The following DCC variants were observed in gnomAD, a reference collection of about 807,000 sequenced individuals.
DCC encodes DCC netrin 1 receptor.
In DCC, 58 loss-of-function variants were observed where a neutral mutation model predicts 172.5. That is an observed-to-expected ratio of 0.34 (90% CI 0.27 to 0.42). The LOEUF (loss-of-function observed/expected upper bound fraction) is 0.42, where lower values mean the gene tolerates loss of function less well. Ranked by LOEUF, DCC falls within the 10% of genes least tolerant of loss-of-function variation. The pLI, the probability that DCC is intolerant of heterozygous loss-of-function variation, is 1.00. For synonymous variants in DCC, 709 were observed against 644.5 expected, an observed-to-expected ratio of 1.10 and a Z score of -1.52; for missense variants, 1,740 against 1,791.0, an observed-to-expected ratio of 0.97 and a Z score of 0.51.
At chr18:52,669,397 C>A (rs2035512270) in intron 1 of DCC, among the ~76,000 whole-genome samples, 1 of 152,116 alleles carries the variant, frequency 6.6e-6, no homozygotes, top group Admixed American at 6.5e-5. Context: ...AGTCCTCAGG[C>A]AAGAAGGAGA....
chr18:53,332,486 G>T (rs1395125090), intron 14 of DCC, among the ~76,000 whole-genome samples: 1 of 152,100 alleles, frequency 6.6e-6, no homozygotes, highest in Non-Finnish European at 1.5e-5. Context: ...GCAAAAATTT[G>T]TTAAATTGAT....
At chr18:52,412,670 G>A (rs909605280) in intron 1 of DCC, among the ~76,000 whole-genome samples, 4 of 152,028 alleles carry the variant, frequency 2.6e-5, no homozygotes, top group Non-Finnish European at 4.4e-5. Context: ...AGATTGTTCA[G>A]ACTTGCATAC....
At chr18:52,542,221 A>G (rs973104866) in intron 1 of DCC, among the ~76,000 whole-genome samples, 2 of 151,618 alleles carry the variant, frequency 1.3e-5, no homozygotes, top group African/African-American at 4.8e-5. Context: ...AATTTGAAAA[A>G]TTTTTCTAAA....
At chr18:53,432,103 C>T (rs1190771555) in intron 21 of DCC, among the ~76,000 whole-genome samples, 1 of 151,946 alleles carries the variant, frequency 6.6e-6, no homozygotes, top group Non-Finnish European at 1.5e-5. Flanking sequence ...TATTTGCATG[C>T]AGTTCTTTTA....
intron 1 of DCC, among the ~76,000 whole-genome samples, chr18:52,690,576 A>G (rs949425000): frequency 6.6e-6 from 1 of 152,136 alleles, no homozygotes; most frequent in Non-Finnish European, 1.5e-5. Context: ...CAGTATTTCC[A>G]TATACATTAA....
chr18:53,111,550 C>T (rs879905138), intron 7 of DCC, among the ~76,000 whole-genome samples: 1 of 151,278 alleles, frequency 6.6e-6, no homozygotes, highest in Non-Finnish European at 1.5e-5. Flanking sequence ...CTGCTTCCCT[C>T]ATAAACAAGG....
At chr18:52,719,986 G>C (rs770943835) in intron 1 of DCC, among the ~76,000 whole-genome samples, 1 of 152,062 alleles carries the variant, frequency 6.6e-6, no homozygotes, top group Non-Finnish European at 1.5e-5. Flanking sequence ...AGAAGAAGAG[G>C]AATGGCAAGC....
At chr18:52,497,779 C>T (rs776806474) in intron 1 of DCC, among the ~76,000 whole-genome samples, 6 of 152,156 alleles carry the variant, frequency 3.9e-5, no homozygotes, top group East Asian at 1.9e-4. Flanking sequence ...AGCATCACCA[C>T]GGGGAGCTTG....
At chr18:53,267,071 A>T (rs759559382) in intron 12 of DCC, among the ~76,000 whole-genome samples, 1 of 151,548 alleles carries the variant, frequency 6.6e-6, no homozygotes, top group Non-Finnish European at 1.5e-5. Flanking sequence ...CAATAACACT[A>T]TGTTTAACCT....
intron 20 of DCC, 97 bp downstream of exon 20, chr18:53,410,743 T>G (rs752227084): frequency 7.2e-5 from 57 of 789,572 alleles, no homozygotes; most frequent in Non-Finnish European, 1.2e-4. Context: ...CCATCTCTAT[T>G]AGCAACATGG....
At chr18:52,437,488 G>C (rs1987834322) in intron 1 of DCC, among the ~76,000 whole-genome samples, 1 of 152,092 alleles carries the variant, frequency 6.6e-6, no homozygotes, top group African/African-American at 2.4e-5. Flanking sequence ...AAGGTTGAGG[G>C]GCAACCTCAA....
At chr18:52,553,175 T>C (rs1158996225) in intron 1 of DCC, among the ~76,000 whole-genome samples, 1 of 152,052 alleles carries the variant, frequency 6.6e-6, no homozygotes, top group Non-Finnish European at 1.5e-5. Flanking sequence ...TATGTGTATA[T>C]ATAGATGCAC....
chr18:52,819,471 T>C (rs975956352), intron 2 of DCC, among the ~76,000 whole-genome samples: 1 of 152,200 alleles, frequency 6.6e-6, no homozygotes, highest in African/African-American at 2.4e-5. Flanking sequence ...GTTTATTATA[T>C]TTTTATTTCA....
intron 1 of DCC, among the ~76,000 whole-genome samples, chr18:52,526,991 CTTTCTT>C: frequency 6.6e-6 from 1 of 152,172 alleles, no homozygotes; most frequent in Non-Finnish European, 1.5e-5. Flanking sequence ...CACGCCAATG[CTTTCTT>C]ATCCAGTGAG....
chr18:53,257,465 A>G lies in DCC; in HGVS notation c.1911+41868A>G, dbSNP rs189638413. 1.1e-3 allele frequency among the ~76,000 whole-genome samples: 162 copies of G among 152,328 alleles called. 2 individuals are homozygous for G. Among genetic ancestry groups the G allele is most frequent in the Non-Finnish European group, 3.5e-4 (24 of 68,042 alleles). On this transcript the variant is annotated intron_variant, in intron 12 of 28. Transcript: ENST00000442544. Reference sequence around the variant, plus strand: ...AAAGGCCTTTTCTGCATCTATTGAGATAATCATATGGTTTTTGTCATTGGT... The same window carrying G: ...AAAGGCCTTTTCTGCATCTATTGAGGTAATCATATGGTTTTTGTCATTGGT...
chr18:52,748,700 A>G (rs910973565), intron 1 of DCC, among the ~76,000 whole-genome samples: 5 of 152,176 alleles, frequency 3.3e-5, no homozygotes, highest in African/African-American at 1.2e-4. Flanking sequence ...TCCTGCATCC[A>G]AGAAGAATGA....
At chr18:52,573,064 T>G (rs989860528) in intron 1 of DCC, among the ~76,000 whole-genome samples, 2 of 152,166 alleles carry the variant, frequency 1.3e-5, no homozygotes, top group African/African-American at 4.8e-5. Flanking sequence ...AGAAACACCT[T>G]TGCATTGTCT....
chr18:52,846,608 AACACACACACACACACACAC>A (rs71175524), intron 2 of DCC, among the ~76,000 whole-genome samples: 22 of 130,498 alleles, frequency 1.7e-4, no homozygotes, highest in African/African-American at 4.4e-4. Flanking sequence ...TGCCACTCCA[AACACACACACACACACACAC>A]ACACACACAC....
intron 1 of DCC, among the ~76,000 whole-genome samples, chr18:52,414,495 C>T (rs1333635309): frequency 6.6e-6 from 1 of 152,096 alleles, no homozygotes. Flanking sequence ...CATTCCAAGC[C>T]CTCAAATGGC....
Sources: allele counts gnomAD v4.1 joint callset (sites outside exome capture counted in the v4.1 genomes callset), GRCh38; gene constraint gnomAD v4.1.1; transcripts MANE v1.5; gene names NCBI Gene and HGNC (gene_info 2026-07-23, HGNC 2026-07-21).